Variants in LRRC75A observed in about 807,000 individuals in gnomAD.
LRRC75A encodes leucine rich repeat containing 75A.
Under a neutral mutation model 26.0 loss-of-function variants are expected in LRRC75A, and 12 were observed. That is an observed-to-expected ratio of 0.46 (90% CI 0.30 to 0.75). The LOEUF (loss-of-function observed/expected upper bound fraction) is 0.75. Ranked by LOEUF, LRRC75A falls within the 30% of genes least tolerant of loss-of-function variation. LRRC75A has a pLI of 0.08. For synonymous variants in LRRC75A, 223 were observed against 219.3 expected (o/e 1.02, Z -0.15); for missense variants, 410 against 486.6 (o/e 0.84, Z 1.48).
intron 2 of LRRC75A, among the ~76,000 whole-genome samples, chr17:16,455,063 G>A (rs2093666058): frequency 6.6e-6 from 1 of 151,974 alleles, no homozygotes; most frequent in South Asian, 2.1e-4. Flanking sequence ...CTCCCGAGTA[G>A]CTGGGATTAC....
Position 16,491,675 on chromosome 17 carries a change from TG to T in LRRC75A, c.246+69del. ...TGCCCCCGGCTTCCTCGGTTAGGGA[TG>T]GGGCGCCCCCCCCGGCCCAGCACGC... On this transcript the variant is annotated intron_variant, in intron 1 of 3. Coordinates refer to ENST00000470794, the MANE Select transcript of LRRC75A (RefSeq NM_001113567.3). This position sits in a 1 kb window ranked among gnomAD's most constrained non-coding sequence, Gnocchi z 5.9. 8.7e-7 allele frequency: 1 copy of T among 1,150,252 alleles called. No individual in the cohort carries two copies. Among genetic ancestry groups the T allele is most frequent in the Non-Finnish European group, 1.1e-6 (1 of 906,678 alleles). The allele number at this position is 1,150,252 out of a possible 1,614,324, so 71.3% of individuals were successfully genotyped here.
At chr17:16,470,347 A>T (rs1601185251) in intron 1 of LRRC75A, 1 of 152,174 alleles carries the variant, frequency 6.6e-6, no homozygotes, top group Non-Finnish European at 1.5e-5. Context: ...GGAAAGGAGG[A>T]CGCAGCAAGC....
intron 1 of LRRC75A, among the ~76,000 whole-genome samples, chr17:16,487,847 CCACT>C (rs1484010326): frequency 6.6e-6 from 1 of 152,214 alleles, no homozygotes; most frequent in Non-Finnish European, 1.5e-5. Flanking sequence ...CCTAGCCATA[CCACT>C]GGGAGGCCCA....
chr17:16,474,918 A>G (rs1288257706), intron 1 of LRRC75A, among the ~76,000 whole-genome samples: 2 of 151,134 alleles, frequency 1.3e-5, no homozygotes, highest in African/African-American at 2.4e-5. Context: ...GCGTGAACCC[A>G]GGAGGCGGAG....
chr17:16,454,809 G>A (rs1174117574), intron 2 of LRRC75A, among the ~76,000 whole-genome samples: 1 of 151,984 alleles, frequency 6.6e-6, no homozygotes, highest in Non-Finnish European at 1.5e-5. Flanking sequence ...TTTTTAAAGA[G>A]ATGGGGGTCT....
chr17:16,466,445 A>G (rs374711719), intron 1 of LRRC75A, among the ~76,000 whole-genome samples: 1 of 152,230 alleles, frequency 6.6e-6, no homozygotes, highest in Admixed American at 6.5e-5. Context: ...TGTGCACTGT[A>G]CTAGTCTTGG....
At chr17:16,490,832 G>A (rs1052431933) in intron 1 of LRRC75A, among the ~76,000 whole-genome samples, 1 of 152,170 alleles carries the variant, frequency 6.6e-6, no homozygotes, top group African/African-American at 2.4e-5. Flanking sequence ...CCAAAGCCAG[G>A]CCAAGACAAC....
At chr17:16,468,723 T>C (rs1482625553) in intron 1 of LRRC75A, among the ~76,000 whole-genome samples, 1 of 152,242 alleles carries the variant, frequency 6.6e-6, no homozygotes, top group Admixed American at 6.5e-5. Flanking sequence ...ATGTGTATTT[T>C]ACCACAAATT....
chr17:16,483,348 G>A (rs757674531), intron 1 of LRRC75A, among the ~76,000 whole-genome samples: 6 of 152,352 alleles, frequency 3.9e-5, no homozygotes, highest in South Asian at 2.1e-4. Flanking sequence ...CTAGGACTGC[G>A]GTCAGCACAG....
In LRRC75A at chr17:16,491,943, G is replaced by A; in HGVS notation, c.48C>T (p.Pro16=). 1.6e-6 allele frequency: 2 copies of A among 1,240,056 alleles called. No individual in the cohort carries two copies. Among genetic ancestry groups the A allele is most frequent in the Admixed American group, 4.4e-5 (1 of 22,640 alleles). The allele number at this position is 1,240,056 out of a possible 1,614,324, so 76.8% of individuals were successfully genotyped here. A position where few individuals can be genotyped will look rare whatever the true frequency, so the allele number is the denominator to read the frequency against. ...CGCGTCGGGGGCCCGGCGCGGCGCC[G>A]GGGCTGGCTCTCTCCGCCAGGCTGC... ...TKGSLAERAS[P]GAAPGPRRER... is the part of the protein sequence containing the mutation. Residue 16 remains proline, a synonymous_variant, in exon 1 of 4, where the codon CCC becomes CCT. Transcript: ENST00000470794. The surrounding 1 kb of genome is among the most constrained non-coding windows in gnomAD (Gnocchi z 5.9).
chr17:16,453,348 G>A (rs201692041), intron 2 of LRRC75A, among the ~76,000 whole-genome samples: 2 of 145,818 alleles, frequency 1.4e-5, no homozygotes, highest in South Asian at 2.2e-4. Flanking sequence ...ACACGCACAC[G>A]CACACACACA....
chr17:16,448,047 C>G, intron 2 of LRRC75A, 87 bp from the exon 3 acceptor site: 1 of 1,200,144 alleles, frequency 8.3e-7, no homozygotes, highest in Non-Finnish European at 1.2e-6. Flanking sequence ...CGGGTAAGAG[C>G]CCAGCTCCCC....
In LRRC75A at chr17:16,491,434, C is replaced by A. The variant is rs2093856875; in HGVS notation, c.246+311G>T. ...CAGATCAGGCAGGCATCCCTGCTTC[C>A]CCGCCCACCGACTGTCCCCGGAGAC... On this transcript the variant is annotated intron_variant, in intron 1 of 3. Transcript: ENST00000470794. This position sits in a 1 kb window ranked among gnomAD's most constrained non-coding sequence, Gnocchi z 5.9. Among the ~76,000 whole-genome samples the A allele has an allele frequency of 1.3e-5, 2 of 152,216 alleles. No homozygotes were observed. The highest frequency in any genetic ancestry group is 1.3e-4 in the Admixed American group (2 of 15,286).
chr17:16,452,427 C>T (rs2093640206), intron 2 of LRRC75A, among the ~76,000 whole-genome samples: 1 of 143,614 alleles, frequency 7.0e-6, no homozygotes, highest in Non-Finnish European at 1.6e-5. Context: ...GGCTCAGGCA[C>T]AGGGATTTTT....
rs1228465956 is a variant in LRRC75A at position 16,491,599 on chromosome 17, C to G, written c.246+146G>C. On this transcript the variant is annotated intron_variant, in intron 1 of 3. Coordinates refer to ENST00000470794, the MANE Select transcript of LRRC75A (RefSeq NM_001113567.3). This position sits in a 1 kb window ranked among gnomAD's most constrained non-coding sequence, Gnocchi z 5.9. The stretch of plus-strand genomic sequence containing the variant: ...AGCGGAAGCGCCGAGGCACCTGCTG[C>G]CAGACAGGGCTCCATCCCCGCGGAA... The G allele has an allele frequency of 5.9e-6, 3 of 510,862 alleles. No homozygotes were observed. In the East Asian group the frequency reaches 1.2e-4, roughly 21 times the overall value. 31.6% of individuals were successfully genotyped at this position (510,862 alleles called of 1,614,324 possible). A position where few individuals can be genotyped will look rare whatever the true frequency, so the allele number is the denominator to read the frequency against.
chr17:16,478,616 C>G (rs989077115), intron 1 of LRRC75A: 6 of 152,200 alleles, frequency 3.9e-5, no homozygotes, highest in African/African-American at 1.4e-4. Context: ...GACACCAAAG[C>G]CATTTCTATT....
intron 2 of LRRC75A, among the ~76,000 whole-genome samples, chr17:16,452,050 A>G (rs1229664390): frequency 6.6e-6 from 1 of 151,694 alleles, no homozygotes; most frequent in Non-Finnish European, 1.5e-5. Context: ...ATCTCAGGGG[A>G]GCTTTAAAGT....
chr17:16,445,577 T>A (rs1394280298), intron 3 of LRRC75A, among the ~76,000 whole-genome samples: 3 of 152,228 alleles, frequency 2.0e-5, no homozygotes, highest in Admixed American at 1.3e-4. Context: ...GGCTTGTACT[T>A]CCTGGCAACA....
rs760448919 is a variant in LRRC75A, at chr17:16,462,328, C to T, written c.305G>A (p.Arg102Gln). ...GTGTGTGATGGGGTCCACCAGGTTC[C>T]GGAAGCTGGCGTAGCGATACAGAAC... ...DDVLYRYASF[R>Q]NLVDPITHDL... The change falls in exon 2 of 4, where the codon CGG becomes CAG. Residue 102 changes from arginine (R) to glutamine (Q), a missense_variant. Arg to Gln is a conservative substitution (Grantham distance 43). Transcript: ENST00000470794. The surrounding 1 kb of genome is among the most constrained non-coding windows in gnomAD (Gnocchi z 4.6). The T allele has an allele frequency of 1.6e-5, 26 of 1,614,030 alleles. No individual in the cohort carries two copies. Among genetic ancestry groups the T allele is most frequent in the Middle Eastern group, 1.6e-4 (1 of 6,084 alleles).
Sources: allele counts gnomAD v4.1 joint callset (sites outside exome capture counted in the v4.1 genomes callset), GRCh38; gene constraint gnomAD v4.1.1; non-coding constraint Gnocchi (gnomAD v3.1); transcripts MANE v1.5; gene names NCBI Gene and HGNC (gene_info 2026-07-23, HGNC 2026-07-21).